NRXN1: variants seen among roughly 807,000 people sequenced by gnomAD.
The protein encoded by NRXN1 is neurexin-1.
Under a neutral mutation model 150.9 loss-of-function variants are expected in NRXN1, and 39 were observed. That is an observed-to-expected ratio of 0.26 (90% CI 0.20 to 0.34). The LOEUF is 0.34. Ranked by LOEUF, NRXN1 falls within the 10% of genes least tolerant of loss-of-function variation. The pLI is 1.00. For synonymous variants in NRXN1, 924 were observed against 757.0 expected (o/e 1.22, Z -3.62); for missense variants, 1,815 against 1,949.9 (o/e 0.93, Z 1.30).
In NRXN1 at chr2:50,623,537, C is replaced by T. The variant is rs1251556970; in HGVS notation, c.911G>A (p.Ser304Asn). 1 of 1,613,174 alleles carries T rather than the reference C, an allele frequency of 6.2e-7. No homozygotes were observed. The highest frequency in any genetic ancestry group is 1.7e-5 in the Admixed American group (1 of 59,922). The stretch of plus-strand genomic sequence containing the variant: ...AAATGACAGAGTTATTTCATCACTG[C>T]TGCTTTGAATGGGGTTTTGAGACAA... ...YDLSQNPIQS[S>N]SDEITLSFKT... Residue 304 changes from serine (S) to asparagine (N), a missense_variant, in exon 6 of 23, where the codon AGC (serine) becomes AAC (asparagine). This residue lies in a region of NRXN1 where 554 missense variants were observed against 478.8 expected (regional missense o/e 1.16). Transcript: ENST00000401669.
intron 21 of NRXN1, among the ~76,000 whole-genome samples, chr2:50,007,916 G>A (rs6545141): frequency 0.048 from 7,267 of 152,018 alleles, 585 homozygotes; most frequent in African/African-American, 0.16. Flanking sequence ...CTTTTTAATG[G>A]TAAGTGTTAT....
chr2:49,940,693 G>A (rs943355405), intron 22 of NRXN1, among the ~76,000 whole-genome samples: 3 of 152,068 alleles, frequency 2.0e-5, no homozygotes, highest in Admixed American at 1.3e-4. Flanking sequence ...TCTGCCCAAA[G>A]AGCCACCTTC....
rs866020389 is a variant in NRXN1 at position 50,557,665 on chromosome 2, T to C, written c.1321-4640A>G. Among the ~76,000 whole-genome samples, 22 of 152,312 alleles carry C rather than the reference T, an allele frequency of 1.4e-4. No homozygotes were observed. In the Middle Eastern group the frequency reaches 0.01, roughly 71 times the overall value. Reference sequence around the variant, plus strand: ...AATTGTATTTTAGTTAAAGTGCTAATAATGGGTCCTAGCATGGAGTAAGTG... The same window carrying C: ...AATTGTATTTTAGTTAAAGTGCTAACAATGGGTCCTAGCATGGAGTAAGTG... On this transcript the variant is annotated intron_variant, in intron 8 of 22. Transcript: ENST00000401669.
intron 21 of NRXN1, among the ~76,000 whole-genome samples, chr2:49,996,695 G>A (rs1683061663): frequency 6.6e-6 from 1 of 152,122 alleles, no homozygotes; most frequent in Admixed American, 6.6e-5. Context: ...GAATGCAGGT[G>A]GCTTCTAGAA....
At chr2:50,682,759 AT>A (rs1314533059) in intron 5 of NRXN1, among the ~76,000 whole-genome samples, 5 of 152,172 alleles carry the variant, frequency 3.3e-5, no homozygotes, top group African/African-American at 1.2e-4. Context: ...TACGTGTCAC[AT>A]TCTAAAGTCT....
chr2:50,948,322 C>A (rs926904471), intron 2 of NRXN1, among the ~76,000 whole-genome samples: 12 of 151,898 alleles, frequency 7.9e-5, no homozygotes, highest in African/African-American at 2.9e-4. Flanking sequence ...CAAAATTTCA[C>A]AAATGATATA....
intron 21 of NRXN1, among the ~76,000 whole-genome samples, chr2:50,011,082 G>C (rs955524055): frequency 6.6e-6 from 1 of 152,080 alleles, no homozygotes; most frequent in Non-Finnish European, 1.5e-5. Flanking sequence ...TCTTTGTATA[G>C]AAGTAAATAG....
intron 2 of NRXN1, among the ~76,000 whole-genome samples, chr2:51,000,128 C>T (rs1040355493): frequency 2.6e-5 from 4 of 152,082 alleles, no homozygotes; most frequent in East Asian, 1.9e-4. Flanking sequence ...TTTTCAAGCA[C>T]ACCTCCACTT....
chr2:50,566,799 T>G (rs1450189333), intron 8 of NRXN1, among the ~76,000 whole-genome samples: 7 of 152,194 alleles, frequency 4.6e-5, no homozygotes, highest in African/African-American at 1.4e-4. Context: ...GATGCGATTC[T>G]AGTGCATGCT....
At chr2:50,242,120 T>G (rs1303327730) in intron 17 of NRXN1, among the ~76,000 whole-genome samples, 1 of 151,814 alleles carries the variant, frequency 6.6e-6, no homozygotes, top group Non-Finnish European at 1.5e-5. Context: ...GTAACAGGAA[T>G]ATAACACTTC....
chr2:50,822,830 C>T (rs1669928598), intron 5 of NRXN1, among the ~76,000 whole-genome samples: 1 of 152,074 alleles, frequency 6.6e-6, no homozygotes, highest in Non-Finnish European at 1.5e-5. Context: ...GCTTAAGCCC[C>T]TATCTAGAAT....
chr2:50,857,243 T>C (rs757572790), intron 5 of NRXN1, among the ~76,000 whole-genome samples: 11 of 151,970 alleles, frequency 7.2e-5, no homozygotes, highest in Non-Finnish European at 1.5e-4. Context: ...GGGGATTTGA[T>C]ATTGTCAGGA....
chr2:49,949,240 GA>G (rs1231451320), intron 21 of NRXN1, among the ~76,000 whole-genome samples: 1 of 151,788 alleles, frequency 6.6e-6, no homozygotes, highest in African/African-American at 2.4e-5. Context: ...TGGTTGGGGG[GA>G]ATTTAGAGAA....
At chr2:50,755,577 G>T (rs932436660) in intron 5 of NRXN1, among the ~76,000 whole-genome samples, 1 of 151,698 alleles carries the variant, frequency 6.6e-6, no homozygotes, top group Non-Finnish European at 1.5e-5. Context: ...TTTAGCCTTG[G>T]ATTCCAGGCC....
chr2:50,818,838 A>G (rs1180242310), intron 5 of NRXN1, among the ~76,000 whole-genome samples: 4 of 152,182 alleles, frequency 2.6e-5, no homozygotes, highest in African/African-American at 9.6e-5. Flanking sequence ...CAACTTGATT[A>G]AAAAGCGGGC....
At chr2:50,886,119 T>C (rs1680202868) in intron 5 of NRXN1, among the ~76,000 whole-genome samples, 1 of 151,304 alleles carries the variant, frequency 6.6e-6, no homozygotes, top group Non-Finnish European at 1.5e-5. Flanking sequence ...AGTAGTCTAC[T>C]GGGGAGTATA....
At chr2:50,904,553 T>C (rs1227595723) in intron 5 of NRXN1, among the ~76,000 whole-genome samples, 2 of 152,166 alleles carry the variant, frequency 1.3e-5, no homozygotes, top group African/African-American at 4.8e-5. Context: ...GAATGTCCTT[T>C]TCTGTGCTAG....
intron 2 of NRXN1, among the ~76,000 whole-genome samples, chr2:50,929,521 C>T (rs1222252488): frequency 6.6e-6 from 1 of 151,956 alleles, no homozygotes; most frequent in African/African-American, 2.4e-5. Flanking sequence ...GTGACTGGCT[C>T]CCCTCATTTT....
chr2:50,986,489 T>G (rs948886858), intron 2 of NRXN1, among the ~76,000 whole-genome samples: 1 of 151,766 alleles, frequency 6.6e-6, no homozygotes, highest in African/African-American at 2.4e-5. Context: ...CAGAAAATAC[T>G]GCGCAGATTT....
Sources: gnomAD v4.1 joint callset for allele counts (sites outside exome capture counted in the v4.1 genomes callset) on GRCh38, gnomAD v4.1.1 for gene constraint, gnomAD v4.1.1 regional missense constraint, MANE v1.5 for transcripts, NCBI Gene and HGNC (gene_info 2026-07-23, HGNC 2026-07-21) for gene names.